The following LNX2 variants were observed in gnomAD, a reference collection of about 807,000 sequenced individuals.
LNX2 encodes the protein ligand of Numb protein X 2.
Under a neutral mutation model 66.2 loss-of-function variants are expected in LNX2, and 35 were observed. The observed-to-expected ratio is 0.53, with a 90% CI of 0.40 to 0.70. LNX2 has a LOEUF of 0.70. Ranked by LOEUF, LNX2 falls within the 30% of genes least tolerant of loss-of-function variation. The pLI is 0.00. For synonymous variants in LNX2, 337 were observed against 315.6 expected, an observed-to-expected ratio of 1.07 and a Z score of -0.72; for missense variants, 791 against 850.8, an observed-to-expected ratio of 0.93 and a Z score of 0.87.
At position 27,546,628 on chromosome 13, in the gene LNX2, A is replaced by G. The variant is rs919780491; in HGVS notation, c.*1707T>C. 4.6e-5 allele frequency: 7 copies of G among 152,108 alleles called. No individual in the cohort carries two copies. The highest frequency in any genetic ancestry group is 1.7e-4 in the African/African-American group (7 of 41,420). The allele number at this position is 152,108 out of a possible 1,614,324, so 9.4% of individuals were successfully genotyped here. A position where few individuals can be genotyped will look rare whatever the true frequency, so the allele number is the denominator to read the frequency against. ...CAGTGACATGCTACAGATACAATAA[A>G]CCCCAGCAATACAATTGCTAAGTTT... On this transcript the variant is annotated 3_prime_UTR_variant, in exon 10 of 10. Transcript: ENST00000316334.
intron 2 of LNX2, among the ~76,000 whole-genome samples, chr13:27,580,147 G>C (rs1236350918): frequency 6.6e-6 from 1 of 152,020 alleles, no homozygotes; most frequent in African/African-American, 2.4e-5. Flanking sequence ...ATGTGCACAT[G>C]AATGAAACTT....
intron 1 of LNX2, among the ~76,000 whole-genome samples, chr13:27,608,543 C>A (rs901371969): frequency 1.3e-5 from 2 of 151,872 alleles, no homozygotes; most frequent in Non-Finnish European, 2.9e-5. Flanking sequence ...ATATACACTG[C>A]GATTTTAAAA....
chr13:27,581,796 G>T lies in LNX2; in HGVS notation c.-93C>A. On this transcript the variant is annotated 5_prime_UTR_variant, in exon 2 of 10. Transcript: ENST00000316334. ...TGATGTATCTGACTAAAGTCAAGGT[G>T]TGTTTTTCTAGATAAGCAAAACAAA... is the stretch of plus-strand genomic sequence containing the variant. 1 of 1,073,222 alleles carries T rather than the reference G, an allele frequency of 9.3e-7. No individual in the cohort carries two copies. The highest frequency in any genetic ancestry group is 1.3e-6 in the Non-Finnish European group (1 of 756,392). 66.5% of individuals were successfully genotyped at this position (1,073,222 alleles called of 1,614,324 possible).
chr13:27,575,013 G>A (rs146511238), intron 2 of LNX2, among the ~76,000 whole-genome samples: 251 of 152,230 alleles, frequency 1.6e-3, no homozygotes, highest in African/African-American at 5.5e-3. Context: ...GACATTCCTA[G>A]GTAAAAACAA....
intron 5 of LNX2, 99 bp from the exon 6 acceptor site, chr13:27,560,084 T>A: frequency 9.2e-7 from 1 of 1,084,982 alleles, no homozygotes; most frequent in Non-Finnish European, 1.3e-6. Flanking sequence ...TTAATCACTG[T>A]ACCAGGGCGT....
chr13:27,560,103 C>G, intron 5 of LNX2, 118 bp from the exon 6 acceptor site: 1 of 791,458 alleles, frequency 1.3e-6, no homozygotes. Flanking sequence ...GTCATCTGGA[C>G]AGTGACTGCA....
intron 1 of LNX2, among the ~76,000 whole-genome samples, chr13:27,611,015 A>G (rs1287646436): frequency 6.6e-6 from 1 of 152,248 alleles, no homozygotes; most frequent in Non-Finnish European, 1.5e-5. Flanking sequence ...TGACAGTGAG[A>G]TTGTAAAACA....
chr13:27,617,287 A>G (rs1955837960), intron 1 of LNX2, among the ~76,000 whole-genome samples: 1 of 152,188 alleles, frequency 6.6e-6, no homozygotes, highest in Non-Finnish European at 1.5e-5. Flanking sequence ...TGCAAGATAC[A>G]TATGTATTAC....
chr13:27,604,948 A>G (rs567937827), intron 1 of LNX2, among the ~76,000 whole-genome samples: 1 of 152,122 alleles, frequency 6.6e-6, no homozygotes, highest in East Asian at 1.9e-4. Context: ...GACATACAAA[A>G]TGAATACACA....
chr13:27,566,148 A>G (rs989263773), intron 4 of LNX2, among the ~76,000 whole-genome samples: 1 of 152,202 alleles, frequency 6.6e-6, no homozygotes, highest in African/African-American at 2.4e-5. Context: ...GTAACTCATC[A>G]CGTGCCAAGT....
At chr13:27,574,897 G>C (rs1349253246) in intron 2 of LNX2, among the ~76,000 whole-genome samples, 1 of 152,152 alleles carries the variant, frequency 6.6e-6, no homozygotes, top group Non-Finnish European at 1.5e-5. Flanking sequence ...GAAGGCAGTG[G>C]GATGACATAC....
At chr13:27,607,922 T>C (rs192096358) in intron 1 of LNX2, among the ~76,000 whole-genome samples, 5 of 152,324 alleles carry the variant, frequency 3.3e-5, no homozygotes, top group East Asian at 1.9e-4. Flanking sequence ...TAACAGACCA[T>C]TGAGATTTAA....
At chr13:27,612,170 G>A (rs1056799254) in intron 1 of LNX2, among the ~76,000 whole-genome samples, 2 of 152,178 alleles carry the variant, frequency 1.3e-5, no homozygotes, top group African/African-American at 4.8e-5. Context: ...AGAAGAGGTG[G>A]AGTTGGATAA....
chr13:27,578,193 T>C (rs1375579403), intron 2 of LNX2, among the ~76,000 whole-genome samples: 1 of 152,208 alleles, frequency 6.6e-6, no homozygotes. Flanking sequence ...AATTATCAAA[T>C]TTATGCAAAC....
At chr13:27,600,206 G>A (rs942542956) in intron 1 of LNX2, among the ~76,000 whole-genome samples, 1 of 152,120 alleles carries the variant, frequency 6.6e-6, no homozygotes, top group Non-Finnish European at 1.5e-5. Context: ...AAATGATCGA[G>A]AAATTTCACA....
At chr13:27,578,064 A>G (rs1338238908) in intron 2 of LNX2, among the ~76,000 whole-genome samples, 1 of 152,218 alleles carries the variant, frequency 6.6e-6, no homozygotes, top group Non-Finnish European at 1.5e-5. Context: ...TTTTATTTAA[A>G]CATGTTCATC....
intron 2 of LNX2, among the ~76,000 whole-genome samples, chr13:27,572,798 T>C (rs367902614): frequency 7.2e-5 from 11 of 152,276 alleles, no homozygotes; most frequent in East Asian, 1.9e-4. Flanking sequence ...GTGGTGGTAG[T>C]GCAGTAGAAA....
At chr13:27,590,066 C>T (rs1955531258) in intron 1 of LNX2, among the ~76,000 whole-genome samples, 1 of 152,034 alleles carries the variant, frequency 6.6e-6, no homozygotes, top group African/African-American at 2.4e-5. Flanking sequence ...TCTCCTGCCT[C>T]GGCCTCCCCA....
intron 8 of LNX2, among the ~76,000 whole-genome samples, chr13:27,552,598 C>A (rs956488564): frequency 6.6e-6 from 1 of 152,110 alleles, no homozygotes; most frequent in Non-Finnish European, 1.5e-5. Flanking sequence ...ACAACAACCG[C>A]GGAAAGGAAT....
Sources: allele counts gnomAD v4.1 joint callset (sites outside exome capture counted in the v4.1 genomes callset), GRCh38; gene constraint gnomAD v4.1.1; transcripts MANE v1.5; gene names NCBI Gene and HGNC (gene_info 2026-07-23, HGNC 2026-07-21).